The following TENM2 variants were observed in gnomAD, a reference collection of about 807,000 sequenced individuals.
The protein encoded by TENM2 is teneurin transmembrane protein 2.
A neutral mutation model predicts 245.2 loss-of-function variants in TENM2; 52 were observed. The observed-to-expected ratio is 0.21, with a 90% CI of 0.17 to 0.27. TENM2 has a LOEUF of 0.27. Ranked by LOEUF, TENM2 falls within the 10% of genes least tolerant of loss-of-function variation. The pLI is 1.00. For synonymous variants in TENM2, 1,363 were observed against 1,438.9 expected, an observed-to-expected ratio of 0.95 and a Z score of 1.19; for missense variants, 3,046 against 3,666.8, an observed-to-expected ratio of 0.83 and a Z score of 4.37.
At chr5:167,487,574 T>C (rs1435724072) in intron 2 of TENM2, among the ~76,000 whole-genome samples, 1 of 152,224 alleles carries the variant, frequency 6.6e-6, no homozygotes, top group Non-Finnish European at 1.5e-5. Context: ...TGTGGTCTGA[T>C]GTCTTTTCAG....
chr5:168,191,587 T>G (rs1231699964), intron 14 of TENM2, among the ~76,000 whole-genome samples: 3 of 152,146 alleles, frequency 2.0e-5, no homozygotes, highest in Non-Finnish European at 4.4e-5. Flanking sequence ...TTGGGTAGGA[T>G]GGTCCTGGCC....
At chr5:167,469,544 T>TA (rs1262926268) in intron 2 of TENM2, among the ~76,000 whole-genome samples, 1 of 152,146 alleles carries the variant, frequency 6.6e-6, no homozygotes, top group East Asian at 1.9e-4. Context: ...TATAACCTTT[T>TA]AATTGTGGCC....
intron 8 of TENM2, among the ~76,000 whole-genome samples, chr5:168,093,496 C>CAGG (rs1297259920): frequency 6.6e-6 from 1 of 152,210 alleles, no homozygotes; most frequent in Non-Finnish European, 1.5e-5. Context: ...CAAGAGCAGC[C>CAGG]AGGAGTGCTG....
At chr5:167,632,271 A>G (rs1446162207) in intron 2 of TENM2, among the ~76,000 whole-genome samples, 2 of 152,194 alleles carry the variant, frequency 1.3e-5, no homozygotes, top group African/African-American at 2.4e-5. Context: ...GATAGTGTCT[A>G]TGGAGCAAAG....
intron 3 of TENM2, among the ~76,000 whole-genome samples, chr5:167,950,323 A>G (rs945345795): frequency 1.3e-5 from 2 of 152,220 alleles, no homozygotes; most frequent in African/African-American, 4.8e-5. Flanking sequence ...CAAGGGCCAC[A>G]CAAGCTGGAG....
chr5:167,203,430 A>G, the TENM2 span, among the ~76,000 whole-genome samples: 1 of 152,220 alleles, frequency 6.6e-6, no homozygotes, highest in Non-Finnish European at 1.5e-5. Flanking sequence ...TATTTCCAGA[A>G]CTGACCCCAT....
chr5:168,184,488 G>C (rs1021476616), intron 13 of TENM2, among the ~76,000 whole-genome samples: 1 of 152,222 alleles, frequency 6.6e-6, no homozygotes, highest in African/African-American at 2.4e-5. Flanking sequence ...ATGCACATTG[G>C]AGAGAGACTC....
intron 13 of TENM2, among the ~76,000 whole-genome samples, chr5:168,174,201 C>T (rs975492944): frequency 3.3e-5 from 5 of 152,150 alleles, no homozygotes; most frequent in Non-Finnish European, 5.9e-5. Flanking sequence ...GAGAAGCAGG[C>T]GTGGCCTTTT....
the TENM2 span, among the ~76,000 whole-genome samples, chr5:167,221,509 T>C: frequency 6.6e-6 from 1 of 152,186 alleles, no homozygotes; most frequent in East Asian, 1.9e-4. Context: ...CCATTGACTC[T>C]TGACAGTTTA....
Position 167,890,044 on chromosome 5 carries a change from G to A in TENM2, c.712+13849G>A, listed in dbSNP as rs555482799. Among the ~76,000 whole-genome samples the A allele has an allele frequency of 8.5e-5, 13 of 152,258 alleles. 1 individual carries two copies. The highest frequency in any genetic ancestry group is 4.2e-4 in the South Asian group (2 of 4,818). On this transcript the variant is annotated intron_variant, in intron 3 of 28. Transcript: ENST00000518659. ...AGAAAGAAACGGCCCTGATATGGTG[G>A]CAGCCAGAGAATCCGTCTGAGTCCT...
At position 167,375,218 on chromosome 5, in the gene TENM2, G is replaced by T; in HGVS notation, c.247G>T (p.Glu83Ter). ...CCTAGGAACCAACTTCACCCTTGCC[G>T]AACTGGGCATCTGTGAGCCCTCCCC... The change falls in exon 2 of 29, where the codon GAA (glutamate) becomes TAA (stop). Residue 83 changes from glutamate (E) to a stop codon, truncating the protein, a stop_gained. Transcript: ENST00000518659. LOFTEE classifies it high-confidence loss of function. The T allele has an allele frequency of 6.4e-7, 1 of 1,551,568 alleles. No homozygotes were observed. Among genetic ancestry groups the T allele is most frequent in the Non-Finnish European group, 8.7e-7 (1 of 1,146,982 alleles).
Position 167,746,710 on chromosome 5 carries a change from A to AGAGAGAGAGAGAGAGAGCGAGC in TENM2, c.503-129271_503-129270insAGAGAGAGAGAGCGAGCGAGAG, listed in dbSNP as rs761614775. Among the ~76,000 whole-genome samples, 177 of 144,944 alleles carry AGAGAGAGAGAGAGAGAGCGAGC rather than the reference A, an allele frequency of 1.2e-3. 2 individuals are homozygous for AGAGAGAGAGAGAGAGAGCGAGC. The highest frequency in any genetic ancestry group is 5.1e-3 in the South Asian group (23 of 4,492). ...GAGAGAGAGAGAGAGAGAGAGAGAG[A>AGAGAGAGAGAGAGAGAGCGAGC]GAGAGCTGGACTCTACACAATTAGT... On this transcript the variant is annotated intron_variant, in intron 2 of 28. Transcript: ENST00000518659.
chr5:167,207,004 T>A, the TENM2 span, among the ~76,000 whole-genome samples: 3 of 152,050 alleles, frequency 2.0e-5, no homozygotes, highest in Non-Finnish European at 2.9e-5. Flanking sequence ...GAAAACCAAT[T>A]TACTTCAGTA....
chr5:167,308,875 G>A (rs1035420829), intron 1 of TENM2, among the ~76,000 whole-genome samples: 3 of 152,118 alleles, frequency 2.0e-5, no homozygotes, highest in South Asian at 2.1e-4. Context: ...CGTTGGAGAC[G>A]AACAAAGGGA....
intron 2 of TENM2, among the ~76,000 whole-genome samples, chr5:167,495,560 G>T (rs191922701): frequency 7.7e-4 from 117 of 152,172 alleles, no homozygotes; most frequent in African/African-American, 2.7e-3. Context: ...AATGGGCATT[G>T]GGAAATAATG....
chr5:168,254,867 C>G (rs1767505186), intron 27 of TENM2, among the ~76,000 whole-genome samples: 1 of 152,026 alleles, frequency 6.6e-6, no homozygotes, highest in South Asian at 2.1e-4. Context: ...GCCAACATAG[C>G]AAAACTCCTT....
At chr5:167,232,102 A>G in the TENM2 span, among the ~76,000 whole-genome samples, 397 of 152,284 alleles carry the variant, frequency 2.6e-3, no homozygotes, top group Middle Eastern at 0.024. Context: ...AAACACCTAG[A>G]TGTCTAGGGA....
At chr5:167,305,820 C>G (rs1755644049) in intron 1 of TENM2, among the ~76,000 whole-genome samples, 1 of 152,096 alleles carries the variant, frequency 6.6e-6, no homozygotes, top group Admixed American at 6.5e-5. Flanking sequence ...CATTGGGTGC[C>G]AGGGATCCTC....
At chr5:167,459,404 C>A (rs1288937575) in intron 2 of TENM2, among the ~76,000 whole-genome samples, 2 of 152,154 alleles carry the variant, frequency 1.3e-5, no homozygotes, top group African/African-American at 4.8e-5. Context: ...TTACTGAACA[C>A]CTGAGTTGCT....
Sources: gnomAD v4.1 joint callset for allele counts (sites outside exome capture counted in the v4.1 genomes callset) on GRCh38, gnomAD v4.1.1 for gene constraint, MANE v1.5 for transcripts, NCBI Gene and HGNC (gene_info 2026-07-23, HGNC 2026-07-21) for gene names.